TEX36: variants seen among roughly 807,000 people sequenced by gnomAD.
The protein encoded by TEX36 is testis expressed 36, also known as testis-expressed protein 36.
In TEX36, 12 loss-of-function variants were observed where a neutral mutation model predicts 13.6. That is an observed-to-expected ratio of 0.88 (90% CI 0.56 to 1.43). The LOEUF (loss-of-function observed/expected upper bound fraction) is 1.43, where lower values mean the gene tolerates loss of function less well. TEX36 is among the 40% of genes most tolerant of loss of function. The pLI, the probability that TEX36 is intolerant of heterozygous loss-of-function variation, is 0.00. For synonymous variants in TEX36, 93 were observed against 83.0 expected, an observed-to-expected ratio of 1.12 and a Z score of -0.65; for missense variants, 224 against 228.3, an observed-to-expected ratio of 0.98 and a Z score of 0.12.
At chr10:125,610,836 G>T (rs545409888) in intron 3 of TEX36, among the ~76,000 whole-genome samples, 7 of 152,082 alleles carry the variant, frequency 4.6e-5, no homozygotes, top group African/African-American at 1.7e-4. Flanking sequence ...ATTTACATTT[G>T]TCTCTAGTGT....
intron 3 of TEX36, among the ~76,000 whole-genome samples, chr10:125,579,659 C>T (rs1031501505): frequency 1.3e-5 from 2 of 152,200 alleles, no homozygotes; most frequent in African/African-American, 4.8e-5. Context: ...GTGATTGGAT[C>T]ATGGGGGTGG....
chr10:125,655,653 G>A (rs1330956442), downstream of TEX36: 1 of 1,183,078 alleles, frequency 8.5e-7, no homozygotes, highest in Non-Finnish European at 1.0e-6. Context: ...ATGAAAATGT[G>A]ACCGTATATT....
intron 3 of TEX36, chr10:125,640,081 T>C (rs1846668272): frequency 3.6e-6 from 3 of 834,562 alleles, no homozygotes; most frequent in South Asian, 1.1e-4. Flanking sequence ...AGTAGCTATA[T>C]GGAACGTGGA....
intron 3 of TEX36, among the ~76,000 whole-genome samples, chr10:125,627,708 G>C (rs949735360): frequency 6.6e-6 from 1 of 152,192 alleles, no homozygotes; most frequent in African/African-American, 2.4e-5. Context: ...CCATCGCATT[G>C]TACAACTCCA....
intron 3 of TEX36, among the ~76,000 whole-genome samples, chr10:125,632,455 T>C (rs1165612404): frequency 6.6e-6 from 1 of 152,100 alleles, no homozygotes; most frequent in East Asian, 1.9e-4. Flanking sequence ...CCTTGGAAGG[T>C]TCAGTAGACT....
At chr10:125,649,968 C>A (rs1232700791) in intron 3 of TEX36, among the ~76,000 whole-genome samples, 1 of 152,094 alleles carries the variant, frequency 6.6e-6, no homozygotes, top group Non-Finnish European at 1.5e-5. Flanking sequence ...ATATATGCAC[C>A]CAATACAGGA....
intron 3 of TEX36, among the ~76,000 whole-genome samples, chr10:125,614,183 C>T (rs1341567040): frequency 6.6e-6 from 1 of 152,002 alleles, no homozygotes; most frequent in Non-Finnish European, 1.5e-5. Flanking sequence ...GGATATTAGC[C>T]CTTTGTCAGA....
intron 3 of TEX36, among the ~76,000 whole-genome samples, chr10:125,605,445 C>T (rs1846204225): frequency 7.6e-6 from 1 of 132,402 alleles, no homozygotes; most frequent in East Asian, 1.9e-4. Context: ...AATCTCCATA[C>T]ACAGCATAGT....
chr10:125,634,541 T>A (rs1005543734), intron 3 of TEX36, among the ~76,000 whole-genome samples: 2 of 152,180 alleles, frequency 1.3e-5, no homozygotes, highest in Non-Finnish European at 2.9e-5. Flanking sequence ...ATTAAATAAA[T>A]AACAAAAGGG....
At chr10:125,612,066 C>A (rs1846296164) in intron 3 of TEX36, among the ~76,000 whole-genome samples, 1 of 149,806 alleles carries the variant, frequency 6.7e-6, no homozygotes, top group Non-Finnish European at 1.5e-5. Flanking sequence ...CTTTTCTTTT[C>A]TTTTCTTTTT....
intron 3 of TEX36, among the ~76,000 whole-genome samples, chr10:125,613,118 C>T (rs572207577): frequency 7.3e-5 from 11 of 151,216 alleles, no homozygotes; most frequent in Non-Finnish European, 1.5e-4. Flanking sequence ...GTGCCCCGCC[C>T]GACTGTCAGG....
chr10:125,651,817 A>G (rs1176151169), downstream of TEX36, among the ~76,000 whole-genome samples: 4 of 152,358 alleles, frequency 2.6e-5, no homozygotes, highest in Non-Finnish European at 5.9e-5. Flanking sequence ...TACAAAATCA[A>G]TGTGCAAAAA....
chr10:125,662,033 A>G, intron 1 of TEX36, 56 bp from the exon 2 acceptor site: 1 of 1,550,266 alleles, frequency 6.5e-7, no homozygotes. Flanking sequence ...TCTACAAGCC[A>G]AGTATCAGGG....
chr10:125,643,057 G>A (rs543398196), intron 3 of TEX36, among the ~76,000 whole-genome samples: 4 of 152,306 alleles, frequency 2.6e-5, no homozygotes, highest in South Asian at 2.1e-4. Context: ...GGCATTTGAC[G>A]AGGTTATTCA....
At chr10:125,655,486 T>C (rs1456952004), downstream of TEX36, among the ~76,000 whole-genome samples, 4 of 152,174 alleles carry the variant, frequency 2.6e-5, no homozygotes, top group Admixed American at 6.5e-5. Context: ...CTGTGTAACA[T>C]AGTAATGTTG....
intron 1 of TEX36, among the ~76,000 whole-genome samples, chr10:125,668,936 A>G (rs532466724): frequency 1.7e-4 from 26 of 152,294 alleles, no homozygotes; most frequent in African/African-American, 5.8e-4. Flanking sequence ...AGGCAGGTGG[A>G]TCACCTGAGG....
downstream of TEX36, among the ~76,000 whole-genome samples, chr10:125,619,084 C>G (rs895709886): frequency 6.6e-6 from 1 of 150,606 alleles, no homozygotes; most frequent in African/African-American, 2.4e-5. Flanking sequence ...GAGCCGAGAT[C>G]GCGTCACTGC....
At chr10:125,637,121 G>A (rs928120978) in intron 3 of TEX36, among the ~76,000 whole-genome samples, 1 of 151,872 alleles carries the variant, frequency 6.6e-6, no homozygotes, top group Non-Finnish European at 1.5e-5. Flanking sequence ...AGGCAACATG[G>A]CAAGACCCCA....
rs1022593832 is a variant in TEX36 at position 125,640,543 on chromosome 10, G to A, written c.265-18898C>T. Among the ~76,000 whole-genome samples, 99 of 152,160 alleles carry A rather than the reference G, an allele frequency of 6.5e-4. 8 individuals are homozygous for A. Among genetic ancestry groups the A allele is most frequent in the East Asian group, 1.9e-4 (1 of 5,204 alleles). On this transcript the variant is annotated intron_variant, in intron 3 of 3. Transcript: ENST00000526819. Reference sequence around the variant, plus strand: ...CATAACATGTTTACTTAAATACCGCGTGTTAAATGAGATGTTTTGGTTTGT... The same window carrying A: ...CATAACATGTTTACTTAAATACCGCATGTTAAATGAGATGTTTTGGTTTGT...
Sources: allele counts gnomAD v4.1 joint callset (sites outside exome capture counted in the v4.1 genomes callset), GRCh38; gene constraint gnomAD v4.1.1; transcripts MANE v1.5; gene names NCBI Gene and HGNC (gene_info 2026-07-23, HGNC 2026-07-21).